Variants in GPC6 observed in about 807,000 individuals in gnomAD.
The protein encoded by GPC6 is glypican-6.
In GPC6, 14 loss-of-function variants were observed where a neutral mutation model predicts 55.2. The observed-to-expected ratio is 0.25, with a 90% CI of 0.17 to 0.40. GPC6 has a LOEUF of 0.40. Ranked by LOEUF, GPC6 falls within the 10% of genes least tolerant of loss-of-function variation. GPC6 has a pLI of 1.00. For synonymous variants in GPC6, 278 were observed against 259.6 expected, an observed-to-expected ratio of 1.07 and a Z score of -0.68; for missense variants, 641 against 708.5, an observed-to-expected ratio of 0.90 and a Z score of 1.08.
chr13:94,326,404 GT>G (rs1232124802), intron 6 of GPC6, among the ~76,000 whole-genome samples: 1 of 151,960 alleles, frequency 6.6e-6, no homozygotes, highest in Non-Finnish European at 1.5e-5. Flanking sequence ...CAAGACCTAG[GT>G]TTTTTATTTC....
chr13:93,428,054 T>G (rs2147155), intron 1 of GPC6, among the ~76,000 whole-genome samples: 48,050 of 152,012 alleles, frequency 0.32, 9,251 homozygotes, highest in Non-Finnish European at 0.45. Context: ...CAAACTCAAT[T>G]AGCTATATTC....
chr13:93,793,699 C>T (rs189081171), intron 2 of GPC6, among the ~76,000 whole-genome samples: 35 of 152,024 alleles, frequency 2.3e-4, no homozygotes, highest in South Asian at 1.0e-3. Flanking sequence ...ATGAAGATGA[C>T]GGAGAAGTCT....
intron 1 of GPC6, among the ~76,000 whole-genome samples, chr13:93,296,035 C>G (rs1213005875): frequency 2.0e-5 from 3 of 152,152 alleles, no homozygotes; most frequent in Non-Finnish European, 4.4e-5. Context: ...GAGGTCTACC[C>G]TCATGACCTG....
At position 94,397,320 on chromosome 13, in the gene GPC6, C is replaced by T. The variant is rs527517894; in HGVS notation, c.1290-1146C>T. Among the ~76,000 whole-genome samples, 8 of 152,020 alleles carry T rather than the reference C, an allele frequency of 5.3e-5. No homozygotes were observed. In the South Asian group the frequency reaches 1.7e-3, roughly 32 times the overall value. On this transcript the variant is annotated intron_variant, in intron 7 of 8. Coordinates refer to ENST00000377047, the MANE Select transcript of GPC6 (RefSeq NM_005708.5). ...TGTGAGAGTAAGGAGTCAGAGAGGG[C>T]CCCAAGCACATTTCCAAGATCTTTA...
intron 1 of GPC6, among the ~76,000 whole-genome samples, chr13:93,328,412 T>C (rs568344228): frequency 5.3e-5 from 8 of 152,210 alleles, no homozygotes; most frequent in Non-Finnish European, 8.8e-5. Context: ...TGTGGCTCAC[T>C]CCTGTAATCT....
Position 94,070,589 on chromosome 13 carries a change from G to C in GPC6, c.877+42695G>C, listed in dbSNP as rs116187025. 5.8e-3 allele frequency among the ~76,000 whole-genome samples: 889 copies of C among 152,290 alleles called. 12 individuals are homozygous for C. The highest frequency in any genetic ancestry group is 0.021 in the African/African-American group (857 of 41,562). On this transcript the variant is annotated intron_variant, in intron 4 of 8. Coordinates refer to ENST00000377047, the MANE Select transcript of GPC6 (RefSeq NM_005708.5). ...TTAAATATATTTTCCCCAAAGAGCA[G>C]ACTAGAAAGAGAAACTATGAGATAA...
intron 2 of GPC6, among the ~76,000 whole-genome samples, chr13:93,711,163 AAGAAG>A (rs1311389675): frequency 2.0e-5 from 3 of 151,820 alleles, no homozygotes; most frequent in Non-Finnish European, 4.4e-5. Context: ...GTACATCTGA[AAGAAG>A]AGATGACATT....
intron 3 of GPC6, among the ~76,000 whole-genome samples, chr13:93,887,796 G>A (rs1258130718): frequency 6.6e-6 from 1 of 152,098 alleles, no homozygotes; most frequent in African/African-American, 2.4e-5. Context: ...TTCTCATTGT[G>A]TAGAAGTAAA....
chr13:94,271,283 A>G (rs939796805), intron 4 of GPC6, among the ~76,000 whole-genome samples: 35 of 150,926 alleles, frequency 2.3e-4, no homozygotes, highest in African/African-American at 7.5e-4. Flanking sequence ...GAGCCACCGC[A>G]CCTGGCCACA....
intron 3 of GPC6, among the ~76,000 whole-genome samples, chr13:93,865,177 G>A (rs955417912): frequency 9.2e-5 from 14 of 151,524 alleles, no homozygotes; most frequent in Non-Finnish European, 1.5e-4. Flanking sequence ...TAAATGTACT[G>A]CCCCCAAATC....
At chr13:93,979,106 A>C (rs1457138846) in intron 3 of GPC6, among the ~76,000 whole-genome samples, 1 of 152,144 alleles carries the variant, frequency 6.6e-6, no homozygotes, top group African/African-American at 2.4e-5. Flanking sequence ...TATCCAATAG[A>C]ACTTTCTGAG....
At chr13:93,935,793 C>A (rs535504384) in intron 3 of GPC6, among the ~76,000 whole-genome samples, 116 of 152,214 alleles carry the variant, frequency 7.6e-4, no homozygotes, top group African/African-American at 2.8e-3. Flanking sequence ...ACATTTCATA[C>A]CCCTCAGGCA....
At position 93,989,901 on chromosome 13, in the gene GPC6, T is replaced by G. The variant is rs1328943963; in HGVS notation, c.712-37828T>G. Among the ~76,000 whole-genome samples the G allele has an allele frequency of 2.2e-5, 3 of 138,554 alleles. No homozygotes were observed. The Admixed American group carries it at 2.4e-4, about 11-fold the overall frequency. The allele number at this position is 138,554 out of a possible 152,430, so 90.9% of individuals were successfully genotyped here. A position where few individuals can be genotyped will look rare whatever the true frequency, so the allele number is the denominator to read the frequency against. On this transcript the variant is annotated intron_variant, in intron 3 of 8. Coordinates refer to ENST00000377047, the MANE Select transcript of GPC6 (RefSeq NM_005708.5). ...CTTTATATATGTATATATGTGTGTGTGTATATATATATACACACATATATA... is the reference window on the plus strand; with the variant it reads ...CTTTATATATGTATATATGTGTGTGGGTATATATATATACACACATATATA...
At chr13:93,510,095 T>C (rs1183111700) in intron 1 of GPC6, among the ~76,000 whole-genome samples, 1 of 152,210 alleles carries the variant, frequency 6.6e-6, no homozygotes, top group African/African-American at 2.4e-5. Flanking sequence ...CTCTCTAATA[T>C]TTTATGCCCT....
chr13:94,396,162 A>C (rs1880889412), intron 7 of GPC6, among the ~76,000 whole-genome samples: 3 of 151,256 alleles, frequency 2.0e-5, no homozygotes, highest in African/African-American at 4.9e-5. Flanking sequence ...AGGGCGCTTC[A>C]CCTCTCTGGG....
chr13:93,715,829 G>A (rs967991969), intron 2 of GPC6, among the ~76,000 whole-genome samples: 4 of 151,534 alleles, frequency 2.6e-5, no homozygotes, highest in Admixed American at 2.0e-4. Flanking sequence ...AGAATCTCAA[G>A]CCTCACTCAG....
At chr13:94,281,368 G>C (rs903090385) in intron 4 of GPC6, among the ~76,000 whole-genome samples, 10 of 151,872 alleles carry the variant, frequency 6.6e-5, no homozygotes, top group Non-Finnish European at 1.5e-5. Context: ...TCCCCAACAG[G>C]CTCCGGTGTG....
chr13:94,211,671 G>A (rs531823888), intron 4 of GPC6, among the ~76,000 whole-genome samples: 15 of 152,248 alleles, frequency 9.9e-5, no homozygotes, highest in South Asian at 4.1e-4. Context: ...GAAGGCTTAC[G>A]TGGTCTGTCC....
At chr13:94,050,198 C>T (rs1321998217) in intron 4 of GPC6, among the ~76,000 whole-genome samples, 2 of 152,080 alleles carry the variant, frequency 1.3e-5, no homozygotes, top group Non-Finnish European at 2.9e-5. Context: ...TTTTGTTTTG[C>T]CATATTCTCA....
Sources: gnomAD v4.1 joint callset for allele counts (sites outside exome capture counted in the v4.1 genomes callset) on GRCh38, gnomAD v4.1.1 for gene constraint, MANE v1.5 for transcripts, NCBI Gene and HGNC (gene_info 2026-07-23, HGNC 2026-07-21) for gene names.